Variants in TNC observed in about 807,000 individuals in gnomAD.
TNC encodes the protein tenascin.
TNC carries 109 observed loss-of-function variants against 202.4 expected under a neutral mutation model. That is an observed-to-expected ratio of 0.54 (90% CI 0.46 to 0.63). TNC has a LOEUF of 0.63. Ranked by LOEUF, TNC falls within the 30% of genes least tolerant of loss-of-function variation. The pLI, the probability that TNC is intolerant of heterozygous loss-of-function variation, is 0.00. For missense variants in TNC, 2,756 were observed against 2,833.3 expected, an observed-to-expected ratio of 0.97 and a Z score of 0.62; for synonymous variants, 1,007 against 1,089.7, an observed-to-expected ratio of 0.92 and a Z score of 1.50.
chr9:115,030,946 C>T lies in TNC; in HGVS notation c.5921-541G>A, dbSNP rs147648842. 5.1e-3 allele frequency among the ~76,000 whole-genome samples: 770 copies of T among 152,300 alleles called. 7 individuals are homozygous for T. Among genetic ancestry groups the T allele is most frequent in the Non-Finnish European group, 5.9e-3 (404 of 68,030 alleles). ...TCCCTGGGCATGGAATATCTGAGCC[C>T]AACTCTGACTGTAACTCACAAGATA... On this transcript the variant is annotated intron_variant, in intron 23 of 27. Coordinates refer to ENST00000350763, the MANE Select transcript of TNC (RefSeq NM_002160.4).
Position 115,019,754 on chromosome 9 carries a change from A to G in TNC, c.*1403T>C, listed in dbSNP as rs1828952056. On this transcript the variant is annotated 3_prime_UTR_variant, in exon 28 of 28. Transcript: ENST00000350763. The stretch of plus-strand genomic sequence containing the variant: ...TGGATAACATAATTTATTCTTCACA[A>G]AAATGTTCTGAAATGAGAAGTATGA... The G allele has an allele frequency of 6.6e-6, 1 of 152,206 alleles. No homozygotes were observed. Among genetic ancestry groups the G allele is most frequent in the African/African-American group, 2.4e-5 (1 of 41,424 alleles). 9.4% of individuals were successfully genotyped at this position (152,206 alleles called of 1,614,324 possible). A position where few individuals can be genotyped will look rare whatever the true frequency, so the allele number is the denominator to read the frequency against.
chr9:115,063,261 T>G, intron 12 of TNC, 72 bp from the exon 13 acceptor site: 1 of 1,555,882 alleles, frequency 6.4e-7, no homozygotes, highest in Non-Finnish European at 8.8e-7. Context: ...TGAGATGGCA[T>G]TTTGGCTAAG....
intron 1 of TNC, among the ~76,000 whole-genome samples, chr9:115,117,678 G>C (rs180933927): frequency 6.6e-6 from 1 of 152,318 alleles, no homozygotes; most frequent in Admixed American, 6.5e-5. Flanking sequence ...AGCCAGACTA[G>C]AAGTAGGAGA....
Position 115,063,713 on chromosome 9 carries a change from C to T in TNC, c.3760+83G>A. ...TCCCCAATGTGGTAGGAGCTGATCC[C>T]AGTTTAAAGCAAGAAAGTGCTTTGA... On this transcript the variant is annotated intron_variant, in intron 12 of 27. Transcript: ENST00000350763. The T allele has an allele frequency of 6.2e-6, 9 of 1,449,412 alleles. 1 individual carries two copies. The South Asian group carries it at 1.0e-4, about 17-fold the overall frequency. 89.8% of individuals were successfully genotyped at this position (1,449,412 alleles called of 1,614,324 possible).
intron 9 of TNC, among the ~76,000 whole-genome samples, chr9:115,075,245 G>C (rs753702525): frequency 6.6e-6 from 1 of 152,072 alleles, no homozygotes; most frequent in Non-Finnish European, 1.5e-5. Flanking sequence ...CCTCAAATCA[G>C]GTAGCCCCTC....
At chr9:115,108,831 A>G (rs1438238231) in intron 1 of TNC, among the ~76,000 whole-genome samples, 1 of 152,224 alleles carries the variant, frequency 6.6e-6, no homozygotes, top group African/African-American at 2.4e-5. Context: ...GTCTTCTGCC[A>G]TGTGAGGACA....
intron 16 of TNC, among the ~76,000 whole-genome samples, chr9:115,047,303 T>C (rs572114918): frequency 3.1e-4 from 46 of 149,802 alleles, no homozygotes; most frequent in African/African-American, 1.1e-3. Flanking sequence ...AATGTTCAGA[T>C]GGTAGAACTG....
chr9:115,114,659 A>C (rs564295362), intron 1 of TNC, among the ~76,000 whole-genome samples: 2 of 152,326 alleles, frequency 1.3e-5, no homozygotes, highest in South Asian at 2.1e-4. Context: ...CATTCACTGA[A>C]AGACACCATT....
chr9:115,096,489 G>A (rs1265490069), intron 1 of TNC, among the ~76,000 whole-genome samples: 1 of 152,146 alleles, frequency 6.6e-6, no homozygotes, highest in Non-Finnish European at 1.5e-5. Flanking sequence ...AGGATTGCTT[G>A]TTTTTACTAA....
chr9:115,084,362 G>C lies in TNC; in HGVS notation c.1978C>G (p.His660Asp). 6.2e-7 allele frequency: 1 copy of C among 1,614,192 alleles called. No individual in the cohort carries two copies. The highest frequency in any genetic ancestry group is 8.5e-7 in the Non-Finnish European group (1 of 1,180,034). Residue 660 changes from histidine to aspartate, a missense_variant, in exon 4 of 28, where the codon CAC (histidine) becomes GAC (aspartate). By Grantham distance (81) the His-to-Asp change is moderately conservative (BLOSUM62 -1). Coordinates refer to ENST00000350763, the MANE Select transcript of TNC (RefSeq NM_002160.4). ...AACTGCATTTCCAGACCACCCTCGT[G>C]GGTGGGCGTGTACACGACAAGGTAC... ...TEYLVVYTPT[H>D]EGGLEMQFRV...
chr9:115,023,077 A>T (rs752506735), intron 27 of TNC, among the ~76,000 whole-genome samples: 1 of 151,014 alleles, frequency 6.6e-6, no homozygotes, highest in Non-Finnish European at 1.5e-5. Flanking sequence ...CTTGCCTGAG[A>T]TCATTGAATC....
chr9:115,029,341 A>G lies in TNC; in HGVS notation c.6169+19T>C. On this transcript the variant is annotated intron_variant, in intron 25 of 27. Transcript: ENST00000350763. ...GCAGAATCAGGCATTTTAGATATAAACATGCAGGGCTGCATTACCAAGCCA... is the reference window on the plus strand; with the variant it reads ...GCAGAATCAGGCATTTTAGATATAAGCATGCAGGGCTGCATTACCAAGCCA... The G allele has an allele frequency of 1.9e-6, 3 of 1,611,796 alleles. No individual in the cohort carries two copies. The highest frequency in any genetic ancestry group is 2.5e-6 in the Non-Finnish European group (3 of 1,177,882).
intron 1 of TNC, among the ~76,000 whole-genome samples, chr9:115,093,831 C>A (rs767465654): frequency 6.6e-6 from 1 of 152,100 alleles, no homozygotes; most frequent in Non-Finnish European, 1.5e-5. Context: ...GTTTAAGAGA[C>A]GTAAACTGGT....
In TNC at chr9:115,082,774, G is replaced by A; in HGVS notation, c.2165C>T (p.Ser722Phe). 2 of 1,614,084 alleles carry A rather than the reference G, an allele frequency of 1.2e-6. No individual in the cohort carries two copies. The highest frequency in any genetic ancestry group is 1.3e-5 in the African/African-American group (1 of 75,028). Residue 722 changes from serine (S) to phenylalanine (F), a missense_variant, in exon 5 of 28, where the codon TCC (serine) becomes TTC (phenylalanine). Transcript: ENST00000350763. The part of the protein sequence containing the change: ...LPAPEGLKFK[S>F]IKETSVEVEW... ...CACTTCCACAGATGTCTCCTTGATG[G>A]ACTTGAATTTCAGGCCTTCAGGTGC... is the stretch of plus-strand genomic sequence containing the variant.
chr9:115,062,426 G>C (rs1300514505), intron 13 of TNC, among the ~76,000 whole-genome samples: 1 of 151,938 alleles, frequency 6.6e-6, no homozygotes, highest in Admixed American at 6.6e-5. Flanking sequence ...GGGCAAAATG[G>C]TGAAACTCCA....
Position 115,086,355 on chromosome 9 carries a change from C to A in TNC, c.1376G>T (p.Gly459Val), listed in dbSNP as rs1422768641. ...CVEGKCVCEQ[G>V]FKGYDCSDMS... ...GTCACTGCAGTCATAGCCCTTGAAG[C>A]CTTGCTCACATACACATTTGCCCTC... Residue 459 changes from glycine to valine, a missense_variant, in exon 3 of 28, where the codon GGC becomes GTC. By Grantham distance (109) the Gly-to-Val change is moderately radical (BLOSUM62 -3). Around this residue, in one of 2 missense-constraint regions of TNC, gnomAD observed 2,559 missense variants for 2,546.0 expected, o/e 1.01. Coordinates refer to ENST00000350763, the MANE Select transcript of TNC (RefSeq NM_002160.4). 5 of 1,614,044 alleles carry A rather than the reference C, an allele frequency of 3.1e-6. No homozygotes were observed. The African/African-American group carries it at 6.7e-5, about 22-fold the overall frequency.
intron 18 of TNC, among the ~76,000 whole-genome samples, chr9:115,041,662 T>G (rs1186861694): frequency 2.0e-5 from 3 of 152,088 alleles, no homozygotes; most frequent in Non-Finnish European, 4.4e-5. Context: ...TGTGAAGAGG[T>G]TATTAACCAT....
chr9:115,050,704 C>G (rs1831577550), intron 15 of TNC, among the ~76,000 whole-genome samples: 1 of 152,134 alleles, frequency 6.6e-6, no homozygotes, highest in Non-Finnish European at 1.5e-5. Context: ...TGTTGGGAGA[C>G]AGCAGAAAGA....
chr9:115,065,868 C>T (rs990784331), intron 10 of TNC, among the ~76,000 whole-genome samples: 1 of 138,006 alleles, frequency 7.2e-6, no homozygotes, highest in African/African-American at 2.7e-5. Flanking sequence ...AGTCATTGCA[C>T]TCTAGCCTGG....
Sources: allele counts gnomAD v4.1 joint callset (sites outside exome capture counted in the v4.1 genomes callset), GRCh38; gene constraint gnomAD v4.1.1; regional missense constraint gnomAD v4.1.1; transcripts MANE v1.5; gene names NCBI Gene and HGNC (gene_info 2026-07-23, HGNC 2026-07-21).